Variants in ANO6 observed in about 807,000 individuals in gnomAD.
The protein encoded by ANO6 is anoctamin 6.
A neutral mutation model predicts 117.5 loss-of-function variants in ANO6; 106 were observed. The observed-to-expected ratio is 0.90, with a 90% CI of 0.77 to 1.06. The LOEUF is 1.06. Ranked by LOEUF, ANO6 falls within the 50% of genes least tolerant of loss-of-function variation. The pLI is 0.00. For synonymous variants in ANO6, 367 were observed against 385.1 expected, an observed-to-expected ratio of 0.95 and a Z score of 0.55; for missense variants, 955 against 1,121.1, an observed-to-expected ratio of 0.85 and a Z score of 2.12.
intron 8 of ANO6, among the ~76,000 whole-genome samples, chr12:45,364,561 G>C (rs1287288357): frequency 2.6e-5 from 4 of 151,988 alleles, no homozygotes; most frequent in African/African-American, 4.8e-5. Flanking sequence ...TGATTCTTCT[G>C]CTATTTCATA....
chr12:45,357,041 C>A (rs1473864944), intron 7 of ANO6, among the ~76,000 whole-genome samples: 1 of 152,014 alleles, frequency 6.6e-6, no homozygotes, highest in Non-Finnish European at 1.5e-5. Flanking sequence ...TTTTTCTCTC[C>A]CTTGCTGTAT....
intron 1 of ANO6, among the ~76,000 whole-genome samples, chr12:45,260,071 G>T (rs1029310806): frequency 6.6e-6 from 1 of 152,200 alleles, no homozygotes; most frequent in East Asian, 1.9e-4. Flanking sequence ...CTGCACTGTG[G>T]CAGAATTGTT....
At chr12:45,307,954 A>G (rs1939722464) in intron 2 of ANO6, among the ~76,000 whole-genome samples, 1 of 151,650 alleles carries the variant, frequency 6.6e-6, no homozygotes, top group Non-Finnish European at 1.5e-5. Context: ...TCCAAACCTT[A>G]TTAGAAAGGA....
chr12:45,291,941 G>A (rs961037927), intron 1 of ANO6, among the ~76,000 whole-genome samples: 2 of 152,056 alleles, frequency 1.3e-5, no homozygotes, highest in African/African-American at 2.4e-5. Flanking sequence ...ATTATCGTAC[G>A]ATCCACAGTT....
At chr12:45,240,436 G>A (rs1023726982) in intron 1 of ANO6, among the ~76,000 whole-genome samples, 12 of 121,210 alleles carry the variant, frequency 9.9e-5, no homozygotes, top group Non-Finnish European at 1.8e-4. Context: ...TTTTGAGCCT[G>A]TGTGTGTCTC....
At chr12:45,216,894 C>G (rs975133863) in intron 1 of ANO6, among the ~76,000 whole-genome samples, 5 of 152,162 alleles carry the variant, frequency 3.3e-5, no homozygotes, top group Admixed American at 3.3e-4. Context: ...GGGGCGGCCC[C>G]GGGAAGTGAT....
intron 1 of ANO6, chr12:45,292,965 T>C (rs371007180): frequency 1.0e-4 from 155 of 1,551,070 alleles, no homozygotes; most frequent in Non-Finnish European, 1.3e-4. Flanking sequence ...GGTGAGTTGC[T>C]GGAACAGTGA....
chr12:45,251,516 A>G (rs1470329913), intron 1 of ANO6, among the ~76,000 whole-genome samples: 3 of 152,200 alleles, frequency 2.0e-5, no homozygotes, highest in African/African-American at 7.2e-5. Context: ...GGGGCTGTAC[A>G]TTGGAGTGCC....
chr12:45,244,022 T>A (rs1294191903), intron 1 of ANO6, among the ~76,000 whole-genome samples: 1 of 152,236 alleles, frequency 6.6e-6, no homozygotes, highest in Non-Finnish European at 1.5e-5. Context: ...TAAGGGCTGT[T>A]TACCGTGTTT....
chr12:45,420,433 T>G (rs1376707058), intron 17 of ANO6, among the ~76,000 whole-genome samples: 1 of 151,860 alleles, frequency 6.6e-6, no homozygotes, highest in African/African-American at 2.4e-5. Flanking sequence ...CTAGACAACA[T>G]AGTAAGACCC....
chr12:45,329,279 T>A (rs111278203), intron 2 of ANO6, among the ~76,000 whole-genome samples: 76 of 152,276 alleles, frequency 5.0e-4, no homozygotes, highest in South Asian at 1.0e-3. Context: ...CCCCATTATG[T>A]GGTAGAATGT....
chr12:45,379,260 T>A (rs901148030), intron 10 of ANO6, among the ~76,000 whole-genome samples: 25 of 152,348 alleles, frequency 1.6e-4, no homozygotes, highest in African/African-American at 5.8e-4. Context: ...TGGTAGTGAT[T>A]GTGCCTATGA....
rs1941834185 is a variant in ANO6, at chr12:45,371,515, A to T, written c.1104+3722A>T. On this transcript the variant is annotated intron_variant, in intron 9 of 19. Transcript: ENST00000320560. ...CTCCCAGCACGCAGCTGGAGATCTGAGAACAGGCAGACTGCCTCCTCAAGT... is the reference window on the plus strand; with the variant it reads ...CTCCCAGCACGCAGCTGGAGATCTGTGAACAGGCAGACTGCCTCCTCAAGT... Among the ~76,000 whole-genome samples, 4 of 151,268 alleles carry T rather than the reference A, an allele frequency of 2.6e-5. No individual in the cohort carries two copies. The South Asian group carries it at 6.4e-4, about 24-fold the overall frequency.
downstream of ANO6, among the ~76,000 whole-genome samples, chr12:45,433,363 C>T (rs748934856): frequency 1.1e-4 from 17 of 152,174 alleles, no homozygotes; most frequent in South Asian, 2.1e-4. Context: ...ACATTATTAC[C>T]GATACAAGGG....
intron 19 of ANO6, among the ~76,000 whole-genome samples, chr12:45,428,704 A>G (rs575549073): frequency 6.6e-6 from 1 of 152,344 alleles, no homozygotes; most frequent in South Asian, 2.1e-4. Flanking sequence ...AGTGAGAATG[A>G]TACACATATA....
intron 1 of ANO6, among the ~76,000 whole-genome samples, chr12:45,266,805 A>AGTGTGTGTGTGTGTGTGTGTGT (rs57682251): frequency 6.9e-6 from 1 of 145,658 alleles, no homozygotes; most frequent in African/African-American, 2.6e-5. Context: ...TCAAAAAACA[A>AGTGTGTGTGTGTGTGTGTGTGT]GTGTGTGTGT....
chr12:45,261,256 G>C (rs1938022919), intron 1 of ANO6, among the ~76,000 whole-genome samples: 2 of 152,226 alleles, frequency 1.3e-5, no homozygotes, highest in Admixed American at 1.3e-4. Context: ...CTTCTGAGGA[G>C]TGAAACTCGA....
chr12:45,253,317 C>G (rs969088757), intron 1 of ANO6, among the ~76,000 whole-genome samples: 4 of 152,150 alleles, frequency 2.6e-5, no homozygotes, highest in Admixed American at 2.6e-4. Flanking sequence ...CATCTCTCTC[C>G]AAGCCCCCGC....
chr12:45,315,702 A>G (rs1592953630), intron 2 of ANO6, among the ~76,000 whole-genome samples: 1 of 151,996 alleles, frequency 6.6e-6, no homozygotes, highest in Admixed American at 6.6e-5. Flanking sequence ...ACTGCCACAT[A>G]GAAACCTCAG....
Sources: allele counts gnomAD v4.1 joint callset (sites outside exome capture counted in the v4.1 genomes callset), GRCh38; gene constraint gnomAD v4.1.1; transcripts MANE v1.5; gene names NCBI Gene and HGNC (gene_info 2026-07-23, HGNC 2026-07-21).